Variants in MMP28 observed in about 807,000 individuals in gnomAD.
The protein encoded by MMP28 is matrix metallopeptidase 28, also known as matrix metalloproteinase-28.
In MMP28, 55 loss-of-function variants were observed where a neutral mutation model predicts 60.5. The observed-to-expected ratio is 0.91, with a 90% CI of 0.73 to 1.14. The LOEUF (loss-of-function observed/expected upper bound fraction) is 1.14, where lower values mean the gene tolerates loss of function less well. Among genes scored for constraint, MMP28 ranks in the 50% most tolerant of loss-of-function variants. The pLI is 0.00. For missense variants in MMP28, 686 were observed against 738.3 expected (o/e 0.93, Z 0.82); for synonymous variants, 318 against 312.5 (o/e 1.02, Z -0.18).
rs747375514 is a variant in MMP28, at chr17:35,768,245, C to A, written c.985G>T (p.Asp329Tyr). ...ACCTTCTTACCTACAGTGATGGCATCGAAGGAAGAGTGGCAGTATTTAGGG... is the reference window on the plus strand; with the variant it reads ...ACCTTCTTACCTACAGTGATGGCATAGAAGGAAGAGTGGCAGTATTTAGGG... ...QGPKYCHSSF[D>Y]AITVDRQQQL... Residue 329 changes from aspartate to tyrosine, a missense_variant, in exon 6 of 8, where the codon GAT becomes TAT. Coordinates refer to ENST00000605424, the MANE Select transcript of MMP28 (RefSeq NM_024302.5). 6.2e-7 allele frequency: 1 copy of A among 1,607,640 alleles called. No individual in the cohort carries two copies. The highest frequency in any genetic ancestry group is 1.1e-5 in the South Asian group (1 of 90,504).
At position 35,768,221 on chromosome 17, in the gene MMP28, C is replaced by T. The variant is rs1555604223; in HGVS notation, c.1000+9G>A. 2.5e-6 allele frequency: 4 copies of T among 1,593,394 alleles called. No homozygotes were observed. Among genetic ancestry groups the T allele is most frequent in the East Asian group, 4.5e-5 (2 of 44,624 alleles). Reference sequence around the variant, plus strand: ...AGAAAGAAGCAAAGCACCAGTGGGACCTTCTTACCTACAGTGATGGCATCG... The same window carrying T: ...AGAAAGAAGCAAAGCACCAGTGGGATCTTCTTACCTACAGTGATGGCATCG... On this transcript the variant is annotated intron_variant, in intron 6 of 7. Transcript: ENST00000605424.
intron 2 of MMP28, 38 bp downstream of exon 2, chr17:35,779,206 C>A: frequency 6.3e-7 from 1 of 1,585,534 alleles, no homozygotes. Context: ...GGCATCCTAG[C>A]ACCCCTACCC....
chr17:35,759,962 T>C (rs181724992), intron 2 of MMP28, among the ~76,000 whole-genome samples: 1 of 152,314 alleles, frequency 6.6e-6, no homozygotes, highest in East Asian at 1.9e-4. Flanking sequence ...GCAAATAGGA[T>C]AACATTTCAG....
downstream of MMP28, chr17:35,764,804 C>T: frequency 1.6e-6 from 1 of 614,064 alleles, no homozygotes; most frequent in Non-Finnish European, 2.6e-6. Flanking sequence ...CCATCTGTCA[C>T]CTAGCGCCCC....
rs538385140 is a variant in MMP28, at chr17:35,767,000, C to T, written c.1169-106G>A. ...CTGCTCTCCTTTAAGCTGGAGCCCA[C>T]GATGGTTGGTATTCATATCAATCAA... On this transcript the variant is annotated intron_variant, in intron 7 of 7. Coordinates refer to ENST00000605424, the MANE Select transcript of MMP28 (RefSeq NM_024302.5). The surrounding 1 kb of genome is among the most constrained non-coding windows in gnomAD (Gnocchi z 4.3). 3.7e-6 allele frequency: 4 copies of T among 1,068,932 alleles called. No individual in the cohort carries two copies. The highest frequency in any genetic ancestry group is 5.6e-6 in the Non-Finnish European group (4 of 719,674). 66.2% of individuals were successfully genotyped at this position (1,068,932 alleles called of 1,614,324 possible). A position where few individuals can be genotyped will look rare whatever the true frequency, so the allele number is the denominator to read the frequency against.
downstream of MMP28, among the ~76,000 whole-genome samples, chr17:35,763,501 G>T (rs1255684718): frequency 6.8e-6 from 1 of 146,872 alleles, no homozygotes; most frequent in Non-Finnish European, 1.5e-5. Flanking sequence ...GCCCACACTG[G>T]TCTCGAACTC....
chr17:35,794,630 A>G (rs766911916), intron 1 of MMP28, among the ~76,000 whole-genome samples: 1 of 152,102 alleles, frequency 6.6e-6, no homozygotes, highest in Non-Finnish European at 1.5e-5. Flanking sequence ...ACCTACAACA[A>G]GCAAGTTGAG....
intron 2 of MMP28, among the ~76,000 whole-genome samples, chr17:35,760,264 G>A (rs1411861586): frequency 1.3e-5 from 2 of 152,100 alleles, no homozygotes; most frequent in Non-Finnish European, 1.5e-5. Context: ...ACTCCACTTC[G>A]AGTCCAGGAA....
chr17:35,765,553 C>T (rs796430276), downstream of MMP28, among the ~76,000 whole-genome samples: 142 of 152,356 alleles, frequency 9.3e-4, no homozygotes, highest in African/African-American at 3.3e-3. Flanking sequence ...ACTGTGAGAG[C>T]ACAAGGCCAC....
Position 35,765,994 on chromosome 17 carries a change from T to A in MMP28, c.*506A>T, listed in dbSNP as rs2085926833. The stretch of plus-strand genomic sequence containing the variant: ...CTGACCCCACAAAGGGCCTCTGAGG[T>A]TGGAGACGCCTGTGCCTTCATCCCC... On this transcript the variant is annotated 3_prime_UTR_variant, in exon 8 of 8. Transcript: ENST00000605424. 1 of 985,264 alleles carries A rather than the reference T, an allele frequency of 1.0e-6. No individual in the cohort carries two copies. 61.0% of individuals were successfully genotyped at this position (985,264 alleles called of 1,614,324 possible).
At chr17:35,783,159 C>T (rs912761582) in intron 1 of MMP28, among the ~76,000 whole-genome samples, 1 of 152,214 alleles carries the variant, frequency 6.6e-6, no homozygotes, top group Admixed American at 6.5e-5. Context: ...TCTCTAAGCC[C>T]CTCTTTCTTT....
At chr17:35,772,441 T>G (rs1240309672) in intron 4 of MMP28, among the ~76,000 whole-genome samples, 3 of 152,190 alleles carry the variant, frequency 2.0e-5, no homozygotes, top group African/African-American at 7.2e-5. Flanking sequence ...GTCTCAGCAG[T>G]AGGGCCTGGA....
intron 1 of MMP28, among the ~76,000 whole-genome samples, chr17:35,789,355 A>G (rs1427276050): frequency 6.6e-6 from 1 of 152,240 alleles, no homozygotes; most frequent in Non-Finnish European, 1.5e-5. Flanking sequence ...CTCTTATTTT[A>G]CAGGAGAGGA....
At chr17:35,764,363 G>A (rs2143115743), downstream of MMP28, 4 of 1,451,410 alleles carry the variant, frequency 2.8e-6, no homozygotes, top group South Asian at 4.3e-5. Context: ...CGAGGGAGGC[G>A]GTGCCCGGGC....
intron 1 of MMP28, among the ~76,000 whole-genome samples, chr17:35,783,203 TG>T (rs1329031389): frequency 6.6e-6 from 1 of 152,250 alleles, no homozygotes; most frequent in Non-Finnish European, 1.5e-5. Context: ...AATTTATTCT[TG>T]ATCTTATTCA....
At chr17:35,786,060 T>G (rs953116600) in intron 1 of MMP28, among the ~76,000 whole-genome samples, 22 of 148,200 alleles carry the variant, frequency 1.5e-4, no homozygotes, top group African/African-American at 5.6e-4. Flanking sequence ...CTTCTTGTTT[T>G]TTTTTTTTTT....
At chr17:35,778,308 A>AG (rs1472090151) in intron 3 of MMP28, among the ~76,000 whole-genome samples, 1 of 151,970 alleles carries the variant, frequency 6.6e-6, no homozygotes, top group Admixed American at 6.6e-5. Context: ...GAGGGGGAGA[A>AG]GGGGGAATGA....
chr17:35,792,962 C>T (rs916914405), intron 1 of MMP28, among the ~76,000 whole-genome samples: 5 of 152,150 alleles, frequency 3.3e-5, no homozygotes, highest in Admixed American at 2.6e-4. Context: ...CCATGGTTTA[C>T]GTATGGGTTT....
At chr17:35,779,406 T>G in intron 1 of MMP28, 83 bp from the exon 2 acceptor site, 1 of 1,118,630 alleles carries the variant, frequency 8.9e-7, no homozygotes, top group Non-Finnish European at 1.3e-6. Flanking sequence ...ACATACATCC[T>G]GCCCAGTCTC....
Sources: gnomAD v4.1 joint callset for allele counts (sites outside exome capture counted in the v4.1 genomes callset) on GRCh38, gnomAD v4.1.1 for gene constraint, Gnocchi (gnomAD v3.1) non-coding constraint, MANE v1.5 for transcripts, NCBI Gene and HGNC (gene_info 2026-07-23, HGNC 2026-07-21) for gene names.